The following KLF12 variants were observed in gnomAD, a reference collection of about 807,000 sequenced individuals.
KLF12 encodes Krueppel-like factor 12.
A neutral mutation model predicts 37.8 loss-of-function variants in KLF12; 9 were observed. The ratio of observed to expected loss-of-function variants is 0.24; its 90% confidence interval spans 0.14 to 0.42. The LOEUF (loss-of-function observed/expected upper bound fraction) is 0.42, where lower values mean the gene tolerates loss of function less well. KLF12 is among the 10% of genes least tolerant of loss of function. The pLI, the probability that KLF12 is intolerant of heterozygous loss-of-function variation, is 1.00. For synonymous variants in KLF12, 208 were observed against 202.1 expected (o/e 1.03, Z -0.25); for missense variants, 411 against 516.0 (o/e 0.80, Z 1.97).
the KLF12 span, among the ~76,000 whole-genome samples, chr13:74,184,101 C>T: frequency 2.9e-4 from 44 of 152,120 alleles, no homozygotes; most frequent in Non-Finnish European, 4.6e-4. Flanking sequence ...CCTTAGACCT[C>T]CTGAATCAGA....
intron 1 of KLF12, among the ~76,000 whole-genome samples, chr13:73,997,364 T>C (rs1444612242): frequency 6.6e-6 from 1 of 152,236 alleles, no homozygotes; most frequent in East Asian, 1.9e-4. Flanking sequence ...TATACTTGCC[T>C]ACTCTAATTG....
In KLF12 at chr13:73,905,958, G is replaced by A. The variant is rs139805002; in HGVS notation, c.123+38023C>T. Among the ~76,000 whole-genome samples the A allele has an allele frequency of 1.0e-3, 156 of 152,090 alleles. 1 individual carries two copies. The highest frequency in any genetic ancestry group is 3.4e-3 in the African/African-American group (142 of 41,514). On this transcript the variant is annotated intron_variant, in intron 3 of 7. Transcript: ENST00000377669. ...ATCATAAAAACCTAGAATGCAAATGGCTGTTTGATTTCTTTTCCTTAATAT... is the reference window on the plus strand; with the variant it reads ...ATCATAAAAACCTAGAATGCAAATGACTGTTTGATTTCTTTTCCTTAATAT...
chr13:74,090,499 C>A (rs1340263103), intron 1 of KLF12, among the ~76,000 whole-genome samples: 1 of 152,126 alleles, frequency 6.6e-6, no homozygotes, highest in Non-Finnish European at 1.5e-5. Context: ...TAACTGACTT[C>A]TCTATCAAAA....
chr13:74,301,263 C>A, the KLF12 span, among the ~76,000 whole-genome samples: 8,609 of 152,074 alleles, frequency 0.057, 799 homozygotes, highest in African/African-American at 0.19. Context: ...ACAATGTGAA[C>A]CCAGAAAAAT....
the KLF12 span, among the ~76,000 whole-genome samples, chr13:74,160,675 A>G: frequency 5.3e-5 from 8 of 152,336 alleles, no homozygotes; most frequent in Middle Eastern, 3.4e-3. Flanking sequence ...TAAGAAACTT[A>G]AAAGCACATA....
At chr13:73,961,635 T>C (rs1891024109) in intron 2 of KLF12, among the ~76,000 whole-genome samples, 1 of 152,162 alleles carries the variant, frequency 6.6e-6, no homozygotes. Flanking sequence ...CAGTAAAATC[T>C]GCAATCTTAC....
At chr13:74,283,137 G>A in the KLF12 span, among the ~76,000 whole-genome samples, 1 of 152,198 alleles carries the variant, frequency 6.6e-6, no homozygotes, top group African/African-American at 2.4e-5. Flanking sequence ...GGAGAAACCA[G>A]AGGAAATGTA....
intron 5 of KLF12, 58 bp from the exon 6 acceptor site, chr13:73,765,058 T>TA (rs1201529120): frequency 3.0e-6 from 3 of 1,004,744 alleles, no homozygotes; most frequent in African/African-American, 1.6e-5. Flanking sequence ...ATTGCAAATT[T>TA]AAAAAAATGG....
chr13:74,227,534 A>G, the KLF12 span, among the ~76,000 whole-genome samples: 1 of 151,994 alleles, frequency 6.6e-6, no homozygotes, highest in Non-Finnish European at 1.5e-5. Context: ...TGGTGTATTC[A>G]TTTTGATTCC....
At chr13:74,140,413 T>A in the KLF12 span, among the ~76,000 whole-genome samples, 1 of 152,110 alleles carries the variant, frequency 6.6e-6, no homozygotes. Context: ...TAATCCCAGA[T>A]ACTCAGGAGG....
intron 7 of KLF12, among the ~76,000 whole-genome samples, chr13:73,706,305 CTT>C (rs1457252627): frequency 2.0e-5 from 3 of 151,946 alleles, no homozygotes; most frequent in Non-Finnish European, 4.4e-5. Context: ...GTTTAGAAGT[CTT>C]TTCTAAATAT....
the KLF12 span, among the ~76,000 whole-genome samples, chr13:74,226,955 G>A: frequency 3.9e-5 from 6 of 152,048 alleles, 1 homozygote; most frequent in Non-Finnish European, 8.8e-5. Context: ...AGATTTCTTT[G>A]CCTCCAGTCT....
At chr13:73,818,600 G>A (rs1404685396) in intron 4 of KLF12, among the ~76,000 whole-genome samples, 1 of 152,212 alleles carries the variant, frequency 6.6e-6, no homozygotes, top group Non-Finnish European at 1.5e-5. Context: ...CCACTCTTAA[G>A]GAAAAGGACA....
At chr13:73,911,693 G>A (rs1206259307) in intron 3 of KLF12, among the ~76,000 whole-genome samples, 1 of 152,172 alleles carries the variant, frequency 6.6e-6, no homozygotes. Flanking sequence ...AGAGTACCTA[G>A]AATGTAATAA....
At chr13:74,006,611 G>A (rs1892415999) in intron 1 of KLF12, among the ~76,000 whole-genome samples, 1 of 152,206 alleles carries the variant, frequency 6.6e-6, no homozygotes, top group African/African-American at 2.4e-5. Flanking sequence ...ATCTAGGGAA[G>A]GAGACAGCAG....
In KLF12 at chr13:73,764,909, C is replaced by A. The variant is rs377414587; in HGVS notation, c.869+29G>T. The A allele has an allele frequency of 3.8e-6, 5 of 1,320,512 alleles. No homozygotes were observed. In the African/African-American group the frequency reaches 5.8e-5, roughly 15 times the overall value. The allele number at this position is 1,320,512 out of a possible 1,614,324, so 81.8% of individuals were successfully genotyped here. A position where few individuals can be genotyped will look rare whatever the true frequency, so the allele number is the denominator to read the frequency against. ...CTATTAAAGTTTCCCGTAAGACCTA[C>A]AAATACTCATATTAGACTGTATACT... On this transcript the variant is annotated intron_variant, in intron 6 of 7. Coordinates refer to ENST00000377669, the MANE Select transcript of KLF12 (RefSeq NM_007249.5).
intron 3 of KLF12, among the ~76,000 whole-genome samples, chr13:73,893,848 TCAAAA>T (rs1887628814): frequency 6.6e-6 from 1 of 152,000 alleles, no homozygotes; most frequent in Admixed American, 6.6e-5. Context: ...AGCACAGCAG[TCAAAA>T]CGGAAACAGG....
At chr13:73,911,655 T>C (rs537915502) in intron 3 of KLF12, among the ~76,000 whole-genome samples, 1 of 152,366 alleles carries the variant, frequency 6.6e-6, no homozygotes, top group South Asian at 2.1e-4. Flanking sequence ...TATTTCCCTA[T>C]TCTAACTGAA....
chr13:73,928,196 T>C (rs992756252), intron 3 of KLF12, among the ~76,000 whole-genome samples: 1 of 152,214 alleles, frequency 6.6e-6, no homozygotes. Flanking sequence ...CTGGGGATCT[T>C]GTCCATCCAC....
Sources: gnomAD v4.1 joint callset for allele counts (sites outside exome capture counted in the v4.1 genomes callset) on GRCh38, gnomAD v4.1.1 for gene constraint, MANE v1.5 for transcripts, NCBI Gene and HGNC (gene_info 2026-07-23, HGNC 2026-07-21) for gene names.